IFIH1: variants seen among roughly 807,000 people sequenced by gnomAD.
IFIH1 encodes interferon induced with helicase C domain 1, also known as interferon-induced helicase C domain-containing protein 1.
A neutral mutation model predicts 107.4 loss-of-function variants in IFIH1; 125 were observed. The observed-to-expected ratio is 1.16, with a 90% CI of 1.01 to 1.35. The LOEUF (loss-of-function observed/expected upper bound fraction) is 1.35. IFIH1 is among the 40% of genes most tolerant of loss of function. The pLI, the probability that IFIH1 is intolerant of heterozygous loss-of-function variation, is 0.00. For missense variants in IFIH1, 1,333 were observed against 1,213.7 expected (o/e 1.10, Z -1.46); for synonymous variants, 458 against 413.2 (o/e 1.11, Z -1.31).
At chr2:162,316,721 CTTTA>C (rs879759503) in intron 1 of IFIH1, among the ~76,000 whole-genome samples, 8 of 152,180 alleles carry the variant, frequency 5.3e-5, no homozygotes, top group Non-Finnish European at 7.4e-5. Context: ...TTAGTCATGG[CTTTA>C]TTTGTCTACA....
chr2:162,288,500 A>G, intron 4 of IFIH1, 145 bp from the exon 5 acceptor site: 1 of 622,928 alleles, frequency 1.6e-6, no homozygotes, highest in South Asian at 2.0e-5. Context: ...TTCTGTACCA[A>G]TTAATGTCTG....
intron 11 of IFIH1, 118 bp downstream of exon 11, chr2:162,276,569 C>T: frequency 9.0e-7 from 1 of 1,108,944 alleles, no homozygotes; most frequent in Non-Finnish European, 1.3e-6. Context: ...CATGCCACTG[C>T]TCTTCAGCCT....
chr2:162,306,993 G>C, intron 2 of IFIH1, 138 bp from the exon 3 acceptor site: 1 of 635,648 alleles, frequency 1.6e-6, no homozygotes, highest in Non-Finnish European at 2.7e-6. Flanking sequence ...ATACTTTGAA[G>C]TTCTGAATAG....
intron 5 of IFIH1, among the ~76,000 whole-genome samples, chr2:162,286,898 A>G (rs1682904209): frequency 6.6e-6 from 1 of 151,942 alleles, no homozygotes; most frequent in South Asian, 2.1e-4. Context: ...CAGGGTAGTT[A>G]TTATTTTGTT....
intron 3 of IFIH1, among the ~76,000 whole-genome samples, chr2:162,303,135 G>T (rs1270685879): frequency 6.6e-6 from 1 of 152,000 alleles, no homozygotes; most frequent in Non-Finnish European, 1.5e-5. Context: ...TTTTGAGACG[G>T]AGTTTTTTTG....
In IFIH1 at chr2:162,276,673, A is replaced by G; in HGVS notation, c.2304+14T>C. The G allele has an allele frequency of 6.3e-7, 1 of 1,585,492 alleles. No homozygotes were observed. Among genetic ancestry groups the G allele is most frequent in the Non-Finnish European group, 8.5e-7 (1 of 1,170,588 alleles). Reference sequence around the variant, plus strand: ...AAAGAAAAGAAAAGAAGTCGTCCAAAAGGATATTTATACCTGTGTCATGGG... The same window carrying G: ...AAAGAAAAGAAAAGAAGTCGTCCAAGAGGATATTTATACCTGTGTCATGGG... On this transcript the variant is annotated intron_variant, in intron 11 of 15. Transcript: ENST00000649979.
At chr2:162,298,061 A>T (rs1349516061) in intron 3 of IFIH1, among the ~76,000 whole-genome samples, 2 of 152,154 alleles carry the variant, frequency 1.3e-5, no homozygotes, top group Non-Finnish European at 2.9e-5. Flanking sequence ...AAACCAAAAA[A>T]AATAAATAAA....
At chr2:162,313,646 T>C (rs75419615) in intron 1 of IFIH1, among the ~76,000 whole-genome samples, 5,237 of 152,254 alleles carry the variant, frequency 0.034, 441 homozygotes, top group Admixed American at 0.21. Flanking sequence ...GCTATTTAAA[T>C]ATAATGGTGA....
At chr2:162,299,012 A>G (rs1200587579) in intron 3 of IFIH1, among the ~76,000 whole-genome samples, 1 of 152,188 alleles carries the variant, frequency 6.6e-6, no homozygotes, top group Admixed American at 6.5e-5. Context: ...GCTCCTGTTT[A>G]TAGAATTTCT....
intron 5 of IFIH1, among the ~76,000 whole-genome samples, chr2:162,283,352 G>A (rs183043210): frequency 4.6e-5 from 7 of 152,064 alleles, no homozygotes; most frequent in African/African-American, 1.7e-4. Context: ...TGGAAACTTC[G>A]GGTCCTTCTC....
In IFIH1 at chr2:162,314,398, C is replaced by CCCTCCTTTCTTT. The variant is rs1379199620; in HGVS notation, c.453+3456_453+3457insAAAGAAAGGAGG. Among the ~76,000 whole-genome samples, 22 of 67,016 alleles carry CCCTCCTTTCTTT rather than the reference C, an allele frequency of 3.3e-4. 1 individual carries two copies. The highest frequency in any genetic ancestry group is 2.5e-4 in the African/African-American group (3 of 12,106). The allele number at this position is 67,016 out of a possible 152,430, so 44.0% of individuals were successfully genotyped here. A position where few individuals can be genotyped will look rare whatever the true frequency, so the allele number is the denominator to read the frequency against. On this transcript the variant is annotated intron_variant, in intron 1 of 15. Coordinates refer to ENST00000649979, the MANE Select transcript of IFIH1 (RefSeq NM_022168.4). ...TCCCTCCCTCCCTCCCTCCCTCCCT[C>CCCTCCTTTCTTT]CTTTCTTTCTTTCTTTCTTTTCTTT... is the stretch of plus-strand genomic sequence containing the variant.
chr2:162,273,564 G>A (rs959375120), intron 12 of IFIH1, among the ~76,000 whole-genome samples: 1 of 152,130 alleles, frequency 6.6e-6, no homozygotes, highest in Non-Finnish European at 1.5e-5. Flanking sequence ...TACAGAAATA[G>A]CTAAAGAGGA....
At chr2:162,307,676 A>AT (rs1187053981) in intron 2 of IFIH1, among the ~76,000 whole-genome samples, 5 of 152,150 alleles carry the variant, frequency 3.3e-5, no homozygotes, top group Non-Finnish European at 7.4e-5. Flanking sequence ...CTAACGTATC[A>AT]TTTTTTATTA....
At position 162,293,446 on chromosome 2, in the gene IFIH1, G is replaced by A. The variant is rs1683033249; in HGVS notation, c.874+118C>T. On this transcript the variant is annotated intron_variant, in intron 4 of 15. Transcript: ENST00000649979. ...AAAGTTCCAAAACTATTTCACTGTA[G>A]AAAAGAATTGCTTTAATTGCATAAA... The A allele has an allele frequency of 1.8e-5, 11 of 613,854 alleles. No homozygotes were observed. The South Asian group carries it at 2.4e-4, about 13-fold the overall frequency. The allele number at this position is 613,854 out of a possible 1,614,324, so 38.0% of individuals were successfully genotyped here. A position where few individuals can be genotyped will look rare whatever the true frequency, so the allele number is the denominator to read the frequency against.
intron 3 of IFIH1, among the ~76,000 whole-genome samples, chr2:162,298,114 A>G (rs1273558455): frequency 6.6e-6 from 1 of 152,210 alleles, no homozygotes; most frequent in African/African-American, 2.4e-5. Flanking sequence ...ATTTCAATGT[A>G]AAGTCTGCCC....
At chr2:162,287,563 A>T (rs957436826) in intron 5 of IFIH1, among the ~76,000 whole-genome samples, 10 of 151,328 alleles carry the variant, frequency 6.6e-5, no homozygotes, top group Admixed American at 4.0e-4. Flanking sequence ...TGTATATTTT[A>T]TATATATATA....
chr2:162,277,336 TGGAGAGC>T, intron 10 of IFIH1, 72 bp downstream of exon 10: 2 of 1,005,456 alleles, frequency 2.0e-6, no homozygotes, highest in Admixed American at 2.4e-5. Context: ...TTTCTCTTTT[TGGAGAGC>T]TTATGAGAAG....
chr2:162,306,897 A>G, intron 2 of IFIH1, 42 bp from the exon 3 acceptor site: 1 of 1,581,366 alleles, frequency 6.3e-7, no homozygotes, highest in Non-Finnish European at 8.7e-7. Flanking sequence ...AGTGCCATAC[A>G]AGTTTTTGTA....
intron 8 of IFIH1, 116 bp downstream of exon 8, chr2:162,279,880 T>C: frequency 1.4e-6 from 1 of 694,774 alleles, no homozygotes; most frequent in East Asian, 2.7e-5. Context: ...ACCTGAAACT[T>C]GTTTGCTAAA....
Sources: gnomAD v4.1 joint callset for allele counts (sites outside exome capture counted in the v4.1 genomes callset) on GRCh38, gnomAD v4.1.1 for gene constraint, MANE v1.5 for transcripts, NCBI Gene and HGNC (gene_info 2026-07-23, HGNC 2026-07-21) for gene names.